The following DACH1 variants were observed in gnomAD, a reference collection of about 807,000 sequenced individuals.
The protein encoded by DACH1 is dachshund family transcription factor 1.
Under a neutral mutation model 54.2 loss-of-function variants are expected in DACH1, and 12 were observed. The observed-to-expected ratio is 0.22, with a 90% CI of 0.14 to 0.36. DACH1 has a LOEUF of 0.36. Among genes scored for constraint, DACH1 ranks in the 10% least tolerant of loss-of-function variants. The pLI, the probability that DACH1 is intolerant of heterozygous loss-of-function variation, is 1.00. For synonymous variants in DACH1, 386 were observed against 366.2 expected, an observed-to-expected ratio of 1.05 and a Z score of -0.62; for missense variants, 805 against 929.8, an observed-to-expected ratio of 0.87 and a Z score of 1.75.
chr13:71,866,718 G>A lies in DACH1; in HGVS notation c.52C>T (p.Pro18Ser). The A allele has an allele frequency of 8.3e-6, 12 of 1,448,400 alleles. No individual in the cohort carries two copies. Among genetic ancestry groups the A allele is most frequent in the Non-Finnish European group, 1.1e-5 (12 of 1,092,146 alleles). The allele number at this position is 1,448,400 out of a possible 1,614,324, so 89.7% of individuals were successfully genotyped here. A position where few individuals can be genotyped will look rare whatever the true frequency, so the allele number is the denominator to read the frequency against. The change falls in exon 1 of 11, where the codon CCC (proline) becomes TCC (serine). Residue 18 changes from proline (P) to serine (S), a missense_variant. Physicochemically the swap from Pro to Ser is moderately conservative, Grantham distance 74. Around this residue, in one of 3 missense-constraint regions of DACH1, gnomAD observed 305 missense variants for 308.7 expected, o/e 0.99. Transcript: ENST00000613252. ...IPPTQLVPPQ[P>S]PISTSASSSG... Reference sequence around the variant, plus strand: ...GAGGAAGCAGACGTGGAGATTGGGGGTTGAGGGGGGACCAGCTGGGTCGGA... The same window carrying A: ...GAGGAAGCAGACGTGGAGATTGGGGATTGAGGGGGGACCAGCTGGGTCGGA...
chr13:71,489,224 TA>T, intron 6 of DACH1, 76 bp from the exon 7 acceptor site: 1 of 1,479,718 alleles, frequency 6.8e-7, no homozygotes, highest in South Asian at 1.4e-5. Flanking sequence ...ATGGCTTCCC[TA>T]GTGGTTTCCA....
intron 6 of DACH1, among the ~76,000 whole-genome samples, chr13:71,550,456 A>C (rs1173516295): frequency 6.6e-6 from 1 of 152,154 alleles, no homozygotes; most frequent in Admixed American, 6.6e-5. Context: ...AGGAAAGGAC[A>C]GAGGATGTTT....
chr13:71,521,884 A>G (rs1360462381), intron 6 of DACH1, among the ~76,000 whole-genome samples: 1 of 152,152 alleles, frequency 6.6e-6, no homozygotes. Flanking sequence ...AAACTATTCA[A>G]CTTTAACAAT....
intron 1 of DACH1, among the ~76,000 whole-genome samples, chr13:71,846,970 A>C (rs962040717): frequency 3.9e-5 from 6 of 152,158 alleles, no homozygotes; most frequent in African/African-American, 1.2e-4. Flanking sequence ...TTTTGGTCTG[A>C]CCACTCAATT....
chr13:71,635,874 G>A (rs1237099355), intron 2 of DACH1, among the ~76,000 whole-genome samples: 4 of 151,948 alleles, frequency 2.6e-5, no homozygotes, highest in African/African-American at 4.8e-5. Flanking sequence ...TCCACCTTCC[G>A]GGTTCAAGCA....
At chr13:71,624,180 T>A (rs1876467972) in intron 3 of DACH1, among the ~76,000 whole-genome samples, 1 of 151,886 alleles carries the variant, frequency 6.6e-6, no homozygotes. Flanking sequence ...TGTGTAAAAA[T>A]TTCAGGATAT....
At chr13:71,783,099 TAC>T (rs1006962487) in intron 1 of DACH1, among the ~76,000 whole-genome samples, 2 of 152,136 alleles carry the variant, frequency 1.3e-5, no homozygotes, top group Admixed American at 1.3e-4. Context: ...TCAGTGGCTA[TAC>T]ACACAGACGT....
At chr13:71,601,135 C>T (rs1009855935) in intron 3 of DACH1, among the ~76,000 whole-genome samples, 12 of 151,952 alleles carry the variant, frequency 7.9e-5, no homozygotes, top group African/African-American at 2.2e-4. Context: ...AGGCGAATAA[C>T]GCAGTGTTCT....
At chr13:71,525,731 T>C (rs1444313482) in intron 6 of DACH1, among the ~76,000 whole-genome samples, 3 of 152,158 alleles carry the variant, frequency 2.0e-5, no homozygotes, top group Admixed American at 6.5e-5. Context: ...TGTTTCTTCA[T>C]AACTAAGACA....
chr13:71,443,326 G>A (rs1027291240), intron 10 of DACH1, among the ~76,000 whole-genome samples: 2 of 151,840 alleles, frequency 1.3e-5, no homozygotes, highest in African/African-American at 4.8e-5. Context: ...GGGAGTGGTG[G>A]CTCACAACTG....
rs192814031 is a variant in DACH1, at chr13:71,775,310, C to A, written c.848+90612G>T. ...ACAGGGCAAGTCTCTTCAAGAAAAA[C>A]AATTGCCACCTCAAATTGACAAACT... is the stretch of plus-strand genomic sequence containing the variant. On this transcript the variant is annotated intron_variant, in intron 1 of 10. Transcript: ENST00000613252. Among the ~76,000 whole-genome samples the A allele has an allele frequency of 1.1e-3, 173 of 151,630 alleles. 1 individual carries two copies. The East Asian group carries it at 0.013, about 11-fold the overall frequency.
chr13:71,810,916 T>C (rs1469680877), intron 1 of DACH1, among the ~76,000 whole-genome samples: 1 of 152,188 alleles, frequency 6.6e-6, no homozygotes, highest in Non-Finnish European at 1.5e-5. Context: ...CAATGGCTCT[T>C]GTACTCATTA....
intron 1 of DACH1, among the ~76,000 whole-genome samples, chr13:71,805,045 G>C (rs1319698391): frequency 6.6e-6 from 1 of 152,100 alleles, no homozygotes; most frequent in African/African-American, 2.4e-5. Context: ...TTAAAATTTA[G>C]CTCTTCAATT....
chr13:71,603,388 T>A (rs967171815), intron 3 of DACH1, among the ~76,000 whole-genome samples: 1 of 151,990 alleles, frequency 6.6e-6, no homozygotes, highest in Non-Finnish European at 1.5e-5. Flanking sequence ...CTCAAAGAAG[T>A]GTGCCTACAC....
intron 6 of DACH1, among the ~76,000 whole-genome samples, chr13:71,539,649 C>G (rs1883011094): frequency 6.6e-6 from 1 of 152,016 alleles, no homozygotes; most frequent in African/African-American, 2.4e-5. Flanking sequence ...GGCTAATTCT[C>G]TTAAGATGCT....
chr13:71,754,400 G>A (rs1160543764), intron 1 of DACH1, among the ~76,000 whole-genome samples: 1 of 152,074 alleles, frequency 6.6e-6, no homozygotes, highest in Non-Finnish European at 1.5e-5. Context: ...CTGTACTATG[G>A]TATGTACAGT....
chr13:71,528,953 T>A (rs1316841962), intron 6 of DACH1, among the ~76,000 whole-genome samples: 1 of 152,136 alleles, frequency 6.6e-6, no homozygotes, highest in Non-Finnish European at 1.5e-5. Flanking sequence ...AACAGAATGT[T>A]CTTAAATCTC....
chr13:71,824,948 AC>A (rs1191687143), intron 1 of DACH1, among the ~76,000 whole-genome samples: 1 of 152,082 alleles, frequency 6.6e-6, no homozygotes, highest in South Asian at 2.1e-4. Flanking sequence ...TTGGAAAAAA[AC>A]ATGCCATTAA....
intron 4 of DACH1, among the ~76,000 whole-genome samples, chr13:71,572,030 G>A (rs570059217): frequency 1.3e-5 from 2 of 152,110 alleles, no homozygotes; most frequent in African/African-American, 4.8e-5. Context: ...AAATTTAAGT[G>A]TATTGTATTC....
Sources: gnomAD v4.1 joint callset for allele counts (sites outside exome capture counted in the v4.1 genomes callset) on GRCh38, gnomAD v4.1.1 for gene constraint, gnomAD v4.1.1 regional missense constraint, MANE v1.5 for transcripts, NCBI Gene and HGNC (gene_info 2026-07-23, HGNC 2026-07-21) for gene names.